GLMN: variants seen among roughly 807,000 people sequenced by gnomAD.
GLMN encodes the protein glomulin.
In GLMN, 75 loss-of-function variants were observed where a neutral mutation model predicts 87.8. The observed-to-expected ratio is 0.85, with a 90% CI of 0.71 to 1.04. The LOEUF (loss-of-function observed/expected upper bound fraction) is 1.04, where lower values mean the gene tolerates loss of function less well. Among genes scored for constraint, GLMN ranks in the 50% least tolerant of loss-of-function variants. GLMN has a pLI of 0.00. For synonymous variants in GLMN, 206 were observed against 221.6 expected (o/e 0.93, Z 0.63); for missense variants, 588 against 658.8 (o/e 0.89, Z 1.18).
At chr1:92,357,049 G>C in the GLMN span, among the ~76,000 whole-genome samples, 1 of 149,706 alleles carries the variant, frequency 6.7e-6, no homozygotes, top group Admixed American at 6.7e-5. Flanking sequence ...CTGGGTGACA[G>C]AGCAAGACTC....
At chr1:92,365,138 A>T in the GLMN span, among the ~76,000 whole-genome samples, 1 of 152,160 alleles carries the variant, frequency 6.6e-6, no homozygotes, top group Non-Finnish European at 1.5e-5. Flanking sequence ...AGCCTTCCTT[A>T]ACACCCCACA....
At chr1:92,310,455 T>C in the GLMN span, among the ~76,000 whole-genome samples, 1 of 152,202 alleles carries the variant, frequency 6.6e-6, no homozygotes, top group Non-Finnish European at 1.5e-5. Flanking sequence ...CCTGAGTCAG[T>C]CTTCCTTTAG....
At chr1:92,247,195 A>G in intron 17 of GLMN, 51 bp from the exon 18 acceptor site, 1 of 870,626 alleles carries the variant, frequency 1.1e-6, no homozygotes. Flanking sequence ...GATTTCAATA[A>G]CAAAGGTATA....
the GLMN span, among the ~76,000 whole-genome samples, chr1:92,362,681 C>G: frequency 1.3e-5 from 2 of 152,142 alleles, no homozygotes; most frequent in Non-Finnish European, 2.9e-5. Context: ...AAAGACATTA[C>G]AGTAATTGAA....
chr1:92,253,917 T>C (rs1653876716), intron 16 of GLMN, among the ~76,000 whole-genome samples: 1 of 151,974 alleles, frequency 6.6e-6, no homozygotes, highest in African/African-American at 2.4e-5. Flanking sequence ...AGAGAATGAG[T>C]TTGATGAACT....
intron 7 of GLMN, among the ~76,000 whole-genome samples, chr1:92,281,718 G>C (rs1648077555): frequency 6.6e-6 from 1 of 151,936 alleles, no homozygotes; most frequent in Admixed American, 6.6e-5. Context: ...CTGTATTCAG[G>C]AGACCCATCT....
chr1:92,355,773 G>A, the GLMN span, among the ~76,000 whole-genome samples: 1 of 152,154 alleles, frequency 6.6e-6, no homozygotes, highest in African/African-American at 2.4e-5. Context: ...AATACTCATT[G>A]GAGTGTTTCA....
At chr1:92,263,386 G>A (rs913222296) in intron 15 of GLMN, among the ~76,000 whole-genome samples, 2 of 152,116 alleles carry the variant, frequency 1.3e-5, no homozygotes, top group African/African-American at 4.8e-5. Context: ...GGAATGCTGG[G>A]TACATAAAAG....
intron 7 of GLMN, among the ~76,000 whole-genome samples, chr1:92,283,211 C>A (rs1202796311): frequency 6.6e-6 from 1 of 152,088 alleles, no homozygotes; most frequent in East Asian, 1.9e-4. Context: ...TGATGAACAT[C>A]GATGAGAAAA....
At chr1:92,290,777 G>A (rs1001071721) in intron 4 of GLMN, among the ~76,000 whole-genome samples, 1 of 152,118 alleles carries the variant, frequency 6.6e-6, no homozygotes, top group Non-Finnish European at 1.5e-5. Flanking sequence ...TCATACAGAT[G>A]GAGCTCTCCT....
chr1:92,277,842 G>T (rs1647470919), intron 7 of GLMN, among the ~76,000 whole-genome samples: 1 of 152,138 alleles, frequency 6.6e-6, no homozygotes, highest in African/African-American at 2.4e-5. Flanking sequence ...AGTAAGCAGT[G>T]CCCTGAGTTC....
chr1:92,301,842 TAA>T (rs1001827043), upstream of GLMN, among the ~76,000 whole-genome samples: 2 of 152,206 alleles, frequency 1.3e-5, no homozygotes, highest in Non-Finnish European at 2.9e-5. Flanking sequence ...TCAAAATTAA[TAA>T]GAGTGGATTT....
the GLMN span, among the ~76,000 whole-genome samples, chr1:92,328,577 T>C: frequency 5.3e-5 from 8 of 152,242 alleles, no homozygotes; most frequent in East Asian, 1.5e-3. Context: ...TTTCTTTAAG[T>C]TGGGCCTCAC....
the GLMN span, among the ~76,000 whole-genome samples, chr1:92,317,423 G>A: frequency 3.9e-5 from 6 of 151,940 alleles, no homozygotes; most frequent in Non-Finnish European, 7.4e-5. Flanking sequence ...CAGGACAATC[G>A]CTTCAACCTG....
chr1:92,297,944 C>G lies in GLMN; in HGVS notation c.39+17G>C. 8.2e-7 allele frequency: 1 copy of G among 1,218,832 alleles called. No homozygotes were observed. Among genetic ancestry groups the G allele is most frequent in the East Asian group, 2.3e-5 (1 of 42,914 alleles). The allele number at this position is 1,218,832 out of a possible 1,614,324, so 75.5% of individuals were successfully genotyped here. On this transcript the variant is annotated intron_variant, in intron 2 of 18. Coordinates refer to ENST00000370360, the MANE Select transcript of GLMN (RefSeq NM_053274.3). Reference sequence around the variant, plus strand: ...ATATTTTGAAAGGTATTTAATTTTACAAAAATTAATACTTACACATCTCTT... The same window carrying G: ...ATATTTTGAAAGGTATTTAATTTTAGAAAAATTAATACTTACACATCTCTT...
chr1:92,322,471 G>A, the GLMN span, among the ~76,000 whole-genome samples: 1 of 151,646 alleles, frequency 6.6e-6, no homozygotes, highest in Admixed American at 6.6e-5. Context: ...TTGAACCTGG[G>A]AAGCAGAGGT....
At chr1:92,336,105 T>A in the GLMN span, among the ~76,000 whole-genome samples, 1 of 152,168 alleles carries the variant, frequency 6.6e-6, no homozygotes, top group Non-Finnish European at 1.5e-5. Context: ...TTTAAATAGC[T>A]GCCAAAATGA....
chr1:92,290,054 A>C lies in GLMN; in HGVS notation c.394+144T>G, dbSNP rs892457529. The C allele has an allele frequency of 4.5e-6, 3 of 669,154 alleles. No individual in the cohort carries two copies. The African/African-American group carries it at 5.3e-5, about 12-fold the overall frequency. The allele number at this position is 669,154 out of a possible 1,614,324, so 41.5% of individuals were successfully genotyped here. A position where few individuals can be genotyped will look rare whatever the true frequency, so the allele number is the denominator to read the frequency against. On this transcript the variant is annotated intron_variant, in intron 5 of 18. Transcript: ENST00000370360. ...TCTTTCTATGAGCAGCAGTATTCAC[A>C]TTGGCATTGCTATTATTGGTTTAAG...
intron 7 of GLMN, among the ~76,000 whole-genome samples, chr1:92,277,523 T>A (rs1647428693): frequency 6.6e-6 from 1 of 152,170 alleles, no homozygotes; most frequent in Non-Finnish European, 1.5e-5. Context: ...ACCCTGTGAT[T>A]AGAAGGCTGG....
Sources: allele counts gnomAD v4.1 joint callset (sites outside exome capture counted in the v4.1 genomes callset), GRCh38; gene constraint gnomAD v4.1.1; transcripts MANE v1.5; gene names NCBI Gene and HGNC (gene_info 2026-07-23, HGNC 2026-07-21).